SLC35F4: variants seen among roughly 807,000 people sequenced by gnomAD.
SLC35F4 encodes the protein chromosome 14 open reading frame 36.
In SLC35F4, 24 loss-of-function variants were observed where a neutral mutation model predicts 44.2. The ratio of observed to expected loss-of-function variants is 0.54; its 90% CI spans 0.39 to 0.76. The LOEUF (loss-of-function observed/expected upper bound fraction) is 0.76, where lower values mean the gene tolerates loss of function less well. Among genes scored for constraint, SLC35F4 ranks in the 30% least tolerant of loss-of-function variants. The pLI, the probability that SLC35F4 is intolerant of heterozygous loss-of-function variation, is 0.00. For synonymous variants in SLC35F4, 238 were observed against 223.6 expected (o/e 1.06, Z -0.57); for missense variants, 562 against 586.1 (o/e 0.96, Z 0.42).
At chr14:57,803,626 G>C (rs538758341) in intron 1 of SLC35F4, among the ~76,000 whole-genome samples, 2 of 81,710 alleles carry the variant, frequency 2.4e-5, no homozygotes, top group Non-Finnish European at 4.4e-5. Flanking sequence ...TTTCACTCTT[G>C]TCACCCAGAC....
At chr14:57,691,979 A>G (rs1256451162) in intron 1 of SLC35F4, among the ~76,000 whole-genome samples, 3 of 152,198 alleles carry the variant, frequency 2.0e-5, no homozygotes, top group Admixed American at 2.0e-4. Flanking sequence ...GTGTCCAGGA[A>G]GCTGGAGAAT....
intron 1 of SLC35F4, among the ~76,000 whole-genome samples, chr14:57,814,965 C>T (rs1160561216): frequency 2.6e-5 from 4 of 152,210 alleles, no homozygotes; most frequent in African/African-American, 9.6e-5. Flanking sequence ...CAAGTTACAG[C>T]TCATGGGGCA....
intron 1 of SLC35F4, among the ~76,000 whole-genome samples, chr14:57,762,978 C>A (rs2077158800): frequency 6.6e-6 from 1 of 151,998 alleles, no homozygotes; most frequent in Non-Finnish European, 1.5e-5. Context: ...AAAAGAGAGC[C>A]CCAACACTGT....
chr14:57,817,273 A>G (rs1882703850), intron 1 of SLC35F4, among the ~76,000 whole-genome samples: 1 of 152,166 alleles, frequency 6.6e-6, no homozygotes, highest in African/African-American at 2.4e-5. Context: ...CAGTGCCCTG[A>G]TAAGAGTGGG....
chr14:57,955,733 C>T (rs568148636), intron 1 of SLC35F4, among the ~76,000 whole-genome samples: 23 of 152,078 alleles, frequency 1.5e-4, no homozygotes, highest in African/African-American at 3.9e-4. Context: ...CAACTTACAA[C>T]GGATGTGAAG....
chr14:57,747,621 A>G (rs1169163758), intron 1 of SLC35F4, among the ~76,000 whole-genome samples: 1 of 152,102 alleles, frequency 6.6e-6, no homozygotes, highest in East Asian at 1.9e-4. Flanking sequence ...TTTGAAGCAA[A>G]TCTCATTTCA....
intron 1 of SLC35F4, among the ~76,000 whole-genome samples, chr14:57,672,050 A>T (rs1438625039): frequency 6.6e-6 from 1 of 152,136 alleles, no homozygotes; most frequent in South Asian, 2.1e-4. Flanking sequence ...AAGAGAAATA[A>T]AAACATCTCA....
In SLC35F4 at chr14:57,674,016, A is replaced by C. The variant is rs183352506; in HGVS notation, c.104-79892T>G. On this transcript the variant is annotated intron_variant, in intron 1 of 7. Coordinates refer to ENST00000556826, the MANE Select transcript of SLC35F4 (RefSeq NM_001306087.2). ...GACCAGTTATCATACAAATATATTC[A>C]GTGTCATTAAGTAATTAGAGAAATA... is the stretch of plus-strand genomic sequence containing the variant. Among the ~76,000 whole-genome samples, 921 of 152,208 alleles carry C rather than the reference A, an allele frequency of 6.1e-3. 14 individuals carry two copies. Among genetic ancestry groups the C allele is most frequent in the Admixed American group, 0.02 (305 of 15,268 alleles).
intron 1 of SLC35F4, among the ~76,000 whole-genome samples, chr14:57,928,766 A>C (rs1197012407): frequency 6.6e-6 from 1 of 152,250 alleles, no homozygotes; most frequent in Non-Finnish European, 1.5e-5. Context: ...ATTACCTGAC[A>C]AGAATTTTGA....
chr14:57,832,581 T>A (rs1235151762), intron 1 of SLC35F4, among the ~76,000 whole-genome samples: 1 of 152,268 alleles, frequency 6.6e-6, no homozygotes, highest in South Asian at 2.1e-4. Context: ...ACTATCTATA[T>A]GTATCCCATA....
intron 1 of SLC35F4, among the ~76,000 whole-genome samples, chr14:57,615,411 G>A (rs2071756361): frequency 6.6e-6 from 1 of 151,460 alleles, no homozygotes; most frequent in Admixed American, 6.6e-5. Flanking sequence ...GCTGCTTTAA[G>A]GAGTGTATTT....
intron 1 of SLC35F4, among the ~76,000 whole-genome samples, chr14:57,807,803 T>A (rs1029523115): frequency 6.6e-6 from 1 of 151,944 alleles, no homozygotes; most frequent in East Asian, 1.9e-4. Context: ...TCTGTCCTCA[T>A]GCCGCTAATA....
At chr14:57,899,283 C>T (rs1764881607) in intron 1 of SLC35F4, among the ~76,000 whole-genome samples, 1 of 152,142 alleles carries the variant, frequency 6.6e-6, no homozygotes, top group African/African-American at 2.4e-5. Context: ...CCGTTTTTCA[C>T]ATAAGAAGTC....
chr14:57,939,622 T>C (rs1889879530), intron 1 of SLC35F4, among the ~76,000 whole-genome samples: 1 of 152,218 alleles, frequency 6.6e-6, no homozygotes. Flanking sequence ...TCTGAGAAGC[T>C]GAGCATTTCT....
intron 1 of SLC35F4, among the ~76,000 whole-genome samples, chr14:57,907,591 C>G (rs1889127382): frequency 6.6e-6 from 1 of 152,146 alleles, no homozygotes; most frequent in African/African-American, 2.4e-5. Context: ...AATCCCTATA[C>G]TCCTTATTTG....
At chr14:57,674,560 T>C (rs1482283405) in intron 1 of SLC35F4, among the ~76,000 whole-genome samples, 2 of 152,108 alleles carry the variant, frequency 1.3e-5, no homozygotes, top group African/African-American at 4.8e-5. Flanking sequence ...AATGCAACAA[T>C]GTGGGTGGAT....
At chr14:57,914,024 C>T (rs1309571660) in intron 1 of SLC35F4, among the ~76,000 whole-genome samples, 1 of 152,162 alleles carries the variant, frequency 6.6e-6, no homozygotes, top group Admixed American at 6.5e-5. Flanking sequence ...AGTATGGCTC[C>T]TAAAGAGAAG....
chr14:57,653,614 G>T (rs996573221), intron 1 of SLC35F4, among the ~76,000 whole-genome samples: 2 of 152,158 alleles, frequency 1.3e-5, no homozygotes, highest in Admixed American at 1.3e-4. Flanking sequence ...ACAACTGTCA[G>T]AAACACAAAA....
At chr14:57,629,925 G>T in intron 1 of SLC35F4, 1 of 484,702 alleles carries the variant, frequency 2.1e-6, no homozygotes, top group Non-Finnish European at 4.1e-6. Flanking sequence ...CAGTATCGCT[G>T]AACACATCTC....
Sources: gnomAD v4.1 joint callset for allele counts (sites outside exome capture counted in the v4.1 genomes callset) on GRCh38, gnomAD v4.1.1 for gene constraint, MANE v1.5 for transcripts, NCBI Gene and HGNC (gene_info 2026-07-23, HGNC 2026-07-21) for gene names.